Variants in FAM227B observed in about 807,000 individuals in gnomAD.
FAM227B encodes family with sequence similarity 227 member B, also known as protein FAM227B.
A neutral mutation model predicts 73.8 loss-of-function variants in FAM227B; 88 were observed. The observed-to-expected ratio is 1.19, with a 90% CI of 1.00 to 1.42. The LOEUF is 1.42. FAM227B is among the 40% of genes most tolerant of loss of function. FAM227B has a pLI of 0.00. For synonymous variants in FAM227B, 210 were observed against 190.5 expected (o/e 1.10, Z -0.84); for missense variants, 632 against 590.9 (o/e 1.07, Z -0.72).
chr15:49,542,134 T>C (rs2071156497), intron 9 of FAM227B, among the ~76,000 whole-genome samples: 1 of 152,192 alleles, frequency 6.6e-6, no homozygotes, highest in Admixed American at 6.5e-5. Flanking sequence ...TTAATATTTT[T>C]AACTTTTATT....
At chr15:49,510,301 C>T (rs1336132297) in intron 10 of FAM227B, among the ~76,000 whole-genome samples, 1 of 151,994 alleles carries the variant, frequency 6.6e-6, no homozygotes, top group Non-Finnish European at 1.5e-5. Context: ...ACAGCTGAAC[C>T]AGTTTTCTCT....
At chr15:49,587,451 A>G (rs1288974280) in intron 5 of FAM227B, among the ~76,000 whole-genome samples, 1 of 152,136 alleles carries the variant, frequency 6.6e-6, no homozygotes, top group Non-Finnish European at 1.5e-5. Context: ...TATTTATATA[A>G]CAAACCTGCA....
At chr15:49,377,388 G>A (rs558021218) in intron 11 of FAM227B, among the ~76,000 whole-genome samples, 1 of 152,172 alleles carries the variant, frequency 6.6e-6, no homozygotes, top group South Asian at 2.1e-4. Context: ...ATCCAGCAGT[G>A]AGATTACTAG....
At chr15:49,560,441 T>A (rs2152333432) in intron 9 of FAM227B, among the ~76,000 whole-genome samples, 1 of 152,274 alleles carries the variant, frequency 6.6e-6, no homozygotes. Context: ...GTTCACAACC[T>A]GGAAAACGTA....
chr15:49,375,094 T>A (rs1864298), intron 11 of FAM227B, among the ~76,000 whole-genome samples: 150,473 of 152,304 alleles, frequency 0.99, 74,336 homozygotes, highest in Middle Eastern at 1. Flanking sequence ...AAGGACCTTC[T>A]CAATGCTCTA....
chr15:49,503,931 T>C (rs1374076878), intron 11 of FAM227B, among the ~76,000 whole-genome samples: 9 of 152,188 alleles, frequency 5.9e-5, no homozygotes, highest in Non-Finnish European at 1.2e-4. Flanking sequence ...ACTGGGTATA[T>C]ACCCAAAGGA....
At chr15:49,473,255 CATG>C (rs35687116) in intron 11 of FAM227B, among the ~76,000 whole-genome samples, 38,448 of 151,884 alleles carry the variant, frequency 0.25, 5,695 homozygotes, top group Non-Finnish European at 0.35. Flanking sequence ...TTAATGAAGT[CATG>C]ATGATGTTCA....
intron 11 of FAM227B, among the ~76,000 whole-genome samples, chr15:49,408,972 T>C (rs1006562743): frequency 6.6e-6 from 1 of 152,170 alleles, no homozygotes; most frequent in African/African-American, 2.4e-5. Flanking sequence ...GAATTTGAAA[T>C]ACATATTTTA....
intron 13 of FAM227B, among the ~76,000 whole-genome samples, chr15:49,355,688 T>G (rs1238304503): frequency 1.3e-5 from 2 of 151,386 alleles, no homozygotes; most frequent in African/African-American, 2.4e-5. Context: ...CCAGGAGAAC[T>G]TCCCCAATCT....
chr15:49,432,976 T>A (rs1013349428), intron 11 of FAM227B, among the ~76,000 whole-genome samples: 1 of 151,620 alleles, frequency 6.6e-6, no homozygotes, highest in African/African-American at 2.4e-5. Context: ...ATTCTTACTG[T>A]ATATATCTAA....
At chr15:49,422,576 A>G in intron 11 of FAM227B, 1 of 1,302,080 alleles carries the variant, frequency 7.7e-7, no homozygotes. Context: ...ATTGTAAAGC[A>G]CCATAGAGGC....
In FAM227B at chr15:49,396,289, G is replaced by T. The variant is rs189621176; in HGVS notation, c.1013-24890C>A. The T allele has an allele frequency of 4.6e-4, 187 of 402,306 alleles. 2 individuals carry two copies. In the East Asian group the frequency reaches 0.015, roughly 32 times the overall value. The allele number at this position is 402,306 out of a possible 1,614,324, so 24.9% of individuals were successfully genotyped here. A position where few individuals can be genotyped will look rare whatever the true frequency, so the allele number is the denominator to read the frequency against. On this transcript the variant is annotated intron_variant, in intron 11 of 15. Coordinates refer to ENST00000299338, the MANE Select transcript of FAM227B (RefSeq NM_152647.3). ...CACCTGAATACTGTGCTTTTCTGAC[G>T]GGCTTAAAAAGCGGCGCACCACGAG...
intron 3 of FAM227B, among the ~76,000 whole-genome samples, chr15:49,600,839 A>G (rs1022021638): frequency 1.3e-5 from 2 of 150,968 alleles, no homozygotes; most frequent in African/African-American, 2.4e-5. Flanking sequence ...TCAGGAGTTC[A>G]AGACCAGCCT....
intron 11 of FAM227B, among the ~76,000 whole-genome samples, chr15:49,500,155 T>C (rs916557716): frequency 1.3e-5 from 2 of 152,252 alleles, no homozygotes; most frequent in Admixed American, 6.5e-5. Flanking sequence ...CAGTGAATTA[T>C]GATCATGGCA....
intron 8 of FAM227B, among the ~76,000 whole-genome samples, chr15:49,571,326 T>A (rs897781218): frequency 1.4e-4 from 21 of 152,036 alleles, no homozygotes; most frequent in African/African-American, 4.6e-4. Context: ...TATTGACTGT[T>A]TGCTTTGCTC....
At chr15:49,334,712 G>A (rs995317527) in intron 14 of FAM227B, among the ~76,000 whole-genome samples, 5 of 152,126 alleles carry the variant, frequency 3.3e-5, no homozygotes, top group African/African-American at 1.2e-4. Context: ...GACATAACTG[G>A]TGGTCCTCCA....
chr15:49,489,379 G>A, intron 11 of FAM227B: 3 of 984,534 alleles, frequency 3.0e-6, no homozygotes, highest in Non-Finnish European at 3.6e-6. Context: ...GAGGGATACT[G>A]CGTGGTCCAT....
intron 13 of FAM227B, among the ~76,000 whole-genome samples, chr15:49,356,221 A>T (rs1175970177): frequency 6.6e-6 from 1 of 152,210 alleles, no homozygotes; most frequent in Non-Finnish European, 1.5e-5. Flanking sequence ...TAATGACAGG[A>T]TCAAATTCAC....
intron 11 of FAM227B, among the ~76,000 whole-genome samples, chr15:49,451,500 C>A (rs2052739624): frequency 6.6e-6 from 1 of 151,948 alleles, no homozygotes; most frequent in Admixed American, 6.6e-5. Flanking sequence ...ATAACATCAA[C>A]AATGAGATTA....
Sources: gnomAD v4.1 joint callset for allele counts (sites outside exome capture counted in the v4.1 genomes callset) on GRCh38, gnomAD v4.1.1 for gene constraint, MANE v1.5 for transcripts, NCBI Gene and HGNC (gene_info 2026-07-23, HGNC 2026-07-21) for gene names.